PHACTR1: variants seen among roughly 807,000 people sequenced by gnomAD.
PHACTR1 encodes the protein phosphatase and actin regulator 1.
Under a neutral mutation model 69.2 loss-of-function variants are expected in PHACTR1, and 16 were observed. The observed-to-expected ratio is 0.23, with a 90% CI of 0.16 to 0.35. PHACTR1 has a LOEUF of 0.35. PHACTR1 is among the 10% of genes least tolerant of loss of function. The pLI is 1.00. For synonymous variants in PHACTR1, 312 were observed against 284.5 expected, an observed-to-expected ratio of 1.10 and a Z score of -0.97; for missense variants, 510 against 734.7, an observed-to-expected ratio of 0.69 and a Z score of 3.54.
chr6:12,938,114 C>CA (rs1789663255), intron 4 of PHACTR1, among the ~76,000 whole-genome samples: 1 of 152,020 alleles, frequency 6.6e-6, no homozygotes, highest in Non-Finnish European at 1.5e-5. Flanking sequence ...ACAAACAAAA[C>CA]AGAATCCTTT....
At position 13,270,182 on chromosome 6, in the gene PHACTR1, C is replaced by T. The variant is rs571490454; in HGVS notation, c.1392-2678C>T. The stretch of plus-strand genomic sequence containing the variant: ...AGACAGCTCACAGAACTCAGGGAAA[C>T]ACTTACTTTACCAGTTTCTTACAGA... On this transcript the variant is annotated intron_variant, in intron 10 of 14. Transcript: ENST00000332995. Among the ~76,000 whole-genome samples the T allele has an allele frequency of 4.9e-4, 75 of 152,338 alleles. 1 individual carries two copies. The highest frequency in any genetic ancestry group is 8.5e-4 in the Admixed American group (13 of 15,304).
intron 4 of PHACTR1, among the ~76,000 whole-genome samples, chr6:12,879,484 A>G (rs901456829): frequency 1.3e-5 from 2 of 152,112 alleles, no homozygotes; most frequent in African/African-American, 4.8e-5. Flanking sequence ...AGTATTTTCT[A>G]GGAGCCACCA....
At chr6:12,829,632 T>G (rs1228264213) in intron 4 of PHACTR1, among the ~76,000 whole-genome samples, 1 of 151,298 alleles carries the variant, frequency 6.6e-6, no homozygotes, top group East Asian at 1.9e-4. Context: ...ATTTTATGAG[T>G]GGAGTGGGTA....
At chr6:12,891,111 A>G (rs1582319830) in intron 4 of PHACTR1, among the ~76,000 whole-genome samples, 2 of 152,280 alleles carry the variant, frequency 1.3e-5, no homozygotes, top group South Asian at 4.1e-4. Flanking sequence ...ATTTCAAATG[A>G]AAGTTAAATT....
chr6:13,051,490 G>A (rs1186776340), intron 4 of PHACTR1, among the ~76,000 whole-genome samples: 3 of 152,106 alleles, frequency 2.0e-5, no homozygotes, highest in Admixed American at 1.3e-4. Flanking sequence ...CTCCACTAGT[G>A]CTTCATCTCA....
chr6:13,085,710 T>C (rs1026082903), intron 5 of PHACTR1, among the ~76,000 whole-genome samples: 1 of 152,028 alleles, frequency 6.6e-6, no homozygotes, highest in Non-Finnish European at 1.5e-5. Flanking sequence ...AAATGCATGA[T>C]TAACAAGCTG....
chr6:13,023,049 G>A (rs1801207036), intron 4 of PHACTR1, among the ~76,000 whole-genome samples: 1 of 151,844 alleles, frequency 6.6e-6, no homozygotes, highest in Non-Finnish European at 1.5e-5. Flanking sequence ...TAAAAATAAA[G>A]TACCACTCCT....
intron 7 of PHACTR1, among the ~76,000 whole-genome samples, chr6:13,204,928 CT>C (rs1765691142): frequency 6.6e-6 from 1 of 152,204 alleles, no homozygotes. Flanking sequence ...GAAGTTCCAG[CT>C]TTGAAAGGAT....
intron 4 of PHACTR1, among the ~76,000 whole-genome samples, chr6:12,751,943 G>T (rs1430877222): frequency 6.6e-6 from 1 of 152,116 alleles, no homozygotes; most frequent in Admixed American, 6.5e-5. Flanking sequence ...CTGTAAGTTG[G>T]ACAGTGGAGG....
At chr6:13,146,241 A>G (rs1254383681) in intron 5 of PHACTR1, among the ~76,000 whole-genome samples, 3 of 152,238 alleles carry the variant, frequency 2.0e-5, no homozygotes, top group African/African-American at 4.8e-5. Flanking sequence ...CTAATACATA[A>G]TAAGTGTTAC....
At chr6:12,757,219 G>A (rs747371260) in intron 4 of PHACTR1, among the ~76,000 whole-genome samples, 1 of 152,132 alleles carries the variant, frequency 6.6e-6, no homozygotes, top group Non-Finnish European at 1.5e-5. Flanking sequence ...TGCCCATATG[G>A]GGTGGGGAGC....
At chr6:12,811,660 C>T (rs1465939325) in intron 4 of PHACTR1, among the ~76,000 whole-genome samples, 1 of 152,216 alleles carries the variant, frequency 6.6e-6, no homozygotes, top group East Asian at 1.9e-4. Context: ...AGCCCAAATA[C>T]ATCCCACACT....
At chr6:12,772,205 T>G (rs1769474017) in intron 4 of PHACTR1, among the ~76,000 whole-genome samples, 1 of 152,196 alleles carries the variant, frequency 6.6e-6, no homozygotes, top group Non-Finnish European at 1.5e-5. Context: ...ATTTCCCCAC[T>G]TAGGTTACAT....
At chr6:12,947,518 A>G (rs142776446) in intron 4 of PHACTR1, among the ~76,000 whole-genome samples, 2,511 of 152,298 alleles carry the variant, frequency 0.016, 27 homozygotes, top group Non-Finnish European at 0.024. Flanking sequence ...ACTTGGGAGG[A>G]AAAAACTAAA....
At chr6:12,809,253 G>C (rs1774747320) in intron 4 of PHACTR1, among the ~76,000 whole-genome samples, 1 of 152,052 alleles carries the variant, frequency 6.6e-6, no homozygotes, top group Non-Finnish European at 1.5e-5. Flanking sequence ...TATTGCTTTG[G>C]TAATATGGAA....
At chr6:12,998,552 G>A (rs568097671) in intron 4 of PHACTR1, among the ~76,000 whole-genome samples, 23 of 150,628 alleles carry the variant, frequency 1.5e-4, no homozygotes, top group African/African-American at 5.6e-4. Context: ...GGAGTTCAGG[G>A]CTGCTATGAG....
rs543788240 is a variant in PHACTR1, at chr6:13,042,940, C to A, written c.251-10425C>A. Among the ~76,000 whole-genome samples the A allele has an allele frequency of 8.5e-5, 13 of 152,306 alleles. No individual in the cohort carries two copies. In the East Asian group the frequency reaches 2.5e-3, roughly 29 times the overall value. ...CCTTTTAGTTGCAAGTAAAAGAGAA[C>A]CCCACTCAACCTAGTGTAAGTAAAA... is the stretch of plus-strand genomic sequence containing the variant. On this transcript the variant is annotated intron_variant, in intron 4 of 14. Transcript: ENST00000332995.
At chr6:12,976,802 G>T (rs1452504292) in intron 4 of PHACTR1, among the ~76,000 whole-genome samples, 1 of 152,064 alleles carries the variant, frequency 6.6e-6, no homozygotes, top group African/African-American at 2.4e-5. Flanking sequence ...AACTGTCCTG[G>T]TGTCACAGTG....
At chr6:12,956,450 C>T (rs1189599701) in intron 4 of PHACTR1, among the ~76,000 whole-genome samples, 3 of 152,102 alleles carry the variant, frequency 2.0e-5, no homozygotes, top group African/African-American at 7.2e-5. Flanking sequence ...GGACTGGGGG[C>T]ATTGAGGAAT....
Sources: allele counts gnomAD v4.1 joint callset (sites outside exome capture counted in the v4.1 genomes callset), GRCh38; gene constraint gnomAD v4.1.1; transcripts MANE v1.5; gene names NCBI Gene and HGNC (gene_info 2026-07-23, HGNC 2026-07-21).